PAPPA2: variants seen among roughly 807,000 people sequenced by gnomAD.
PAPPA2 encodes pappalysin-2.
Under a neutral mutation model 176.4 loss-of-function variants are expected in PAPPA2, and 86 were observed. The ratio of observed to expected loss-of-function variants is 0.49; its 90% CI spans 0.41 to 0.58. PAPPA2 has a LOEUF of 0.58. PAPPA2 is among the 20% of genes least tolerant of loss of function. PAPPA2 has a pLI of 0.00. For synonymous variants in PAPPA2, 809 were observed against 852.2 expected (o/e 0.95, Z 0.88); for missense variants, 2,073 against 2,256.9 (o/e 0.92, Z 1.65).
At chr1:176,492,483 A>G (rs1647346431) in intron 1 of PAPPA2, among the ~76,000 whole-genome samples, 1 of 152,210 alleles carries the variant, frequency 6.6e-6, no homozygotes, top group Non-Finnish European at 1.5e-5. Context: ...TGTAACATCA[A>G]GGTTTGTCAA....
chr1:176,802,030 G>C (rs1416822044), intron 21 of PAPPA2, among the ~76,000 whole-genome samples: 2 of 152,118 alleles, frequency 1.3e-5, no homozygotes, highest in South Asian at 2.1e-4. Flanking sequence ...CCCTGCTCCA[G>C]TGGTTCTCAG....
Position 176,710,052 on chromosome 1 carries a change from T to G in PAPPA2, c.3527T>G (p.Ile1176Ser). The G allele has an allele frequency of 6.2e-7, 1 of 1,613,508 alleles. No individual in the cohort carries two copies. Among genetic ancestry groups the G allele is most frequent in the Non-Finnish European group, 8.5e-7 (1 of 1,179,650 alleles). Residue 1176 changes from isoleucine to serine, a missense_variant, in exon 11 of 23, where the codon ATT (isoleucine) becomes AGT (serine). By Grantham distance (142) the Ile-to-Ser change is moderately radical. Around this residue, in one of 4 missense-constraint regions of PAPPA2, gnomAD observed 846 missense variants for 857.9 expected, o/e 0.99. Coordinates refer to ENST00000367662, the MANE Select transcript of PAPPA2 (RefSeq NM_020318.3). ...ICEPFERKTSIVDCGIYTPKG... is the reference protein window; with the variant it reads ...ICEPFERKTSSVDCGIYTPKG... ...GAACCTTTTGAGAGAAAAACCAGCA[T>G]TGTAGACTGTGGCATCTACACTCCC...
At chr1:176,605,009 A>C (rs1193556479) in intron 3 of PAPPA2, among the ~76,000 whole-genome samples, 2 of 152,156 alleles carry the variant, frequency 1.3e-5, no homozygotes, top group Non-Finnish European at 2.9e-5. Flanking sequence ...AATAACTGAC[A>C]ATACTCATGG....
chr1:176,620,925 CTA>C (rs778111313), intron 3 of PAPPA2, among the ~76,000 whole-genome samples: 47 of 152,226 alleles, frequency 3.1e-4, no homozygotes, highest in Non-Finnish European at 5.0e-4. Context: ...TTTATGGACT[CTA>C]TACTAAAGGT....
chr1:176,780,579 C>T (rs887356819), intron 17 of PAPPA2, among the ~76,000 whole-genome samples: 6 of 152,204 alleles, frequency 3.9e-5, no homozygotes, highest in Admixed American at 3.3e-4. Context: ...CTCCTCTGCT[C>T]CTCTACCTGG....
chr1:176,495,111 A>G (rs887666728), intron 1 of PAPPA2, among the ~76,000 whole-genome samples: 8 of 152,298 alleles, frequency 5.3e-5, no homozygotes, highest in African/African-American at 1.9e-4. Context: ...GGATGAATGG[A>G]TTTTTGTAAG....
chr1:176,816,515 C>T (rs1406221247), intron 21 of PAPPA2, among the ~76,000 whole-genome samples: 1 of 151,074 alleles, frequency 6.6e-6, no homozygotes, highest in African/African-American at 2.4e-5. Flanking sequence ...CCTGCATCTG[C>T]TGTGTCAGCT....
At chr1:176,606,806 T>G (rs1222395682) in intron 3 of PAPPA2, among the ~76,000 whole-genome samples, 1 of 151,790 alleles carries the variant, frequency 6.6e-6, no homozygotes. Context: ...GAAAGAAGAG[T>G]TTGTTAGGAA....
rs764752666 is a variant in PAPPA2, at chr1:176,595,088, A to G, written c.1484A>G (p.Gln495Arg). 3 of 1,614,120 alleles carry G rather than the reference A, an allele frequency of 1.9e-6. No homozygotes were observed. The South Asian group carries it at 3.3e-5, about 18-fold the overall frequency. Residue 495 changes from glutamine to arginine, a missense_variant, in exon 3 of 23, where the codon CAG becomes CGG. Physicochemically the swap from Gln to Arg is conservative, Grantham distance 43. Around this residue, in one of 4 missense-constraint regions of PAPPA2, gnomAD observed 1,196 missense variants for 1,330.4 expected, o/e 0.90. Transcript: ENST00000367662. ...EPEPEILSPL[Q>R]PPLCGQTVCD... is the part of the protein sequence containing the mutation. ...GAGCCTGAGATTCTGTCGCCTTTGCAGCCCCCACTCTGTGGGCAAACAGTC... is the reference window on the plus strand; with the variant it reads ...GAGCCTGAGATTCTGTCGCCTTTGCGGCCCCCACTCTGTGGGCAAACAGTC...
Position 176,558,552 on chromosome 1 carries a change from G to A in PAPPA2, c.919+1311G>A, listed in dbSNP as rs79564914. 1.8e-3 allele frequency among the ~76,000 whole-genome samples: 279 copies of A among 152,198 alleles called. 7 individuals are homozygous for A. In the East Asian group the frequency reaches 0.049, roughly 27 times the overall value. ...CATTCTCAAGTCTTGTGGTTTTGCT[G>A]TATTTTATTTTTGGGTGGGAGAGGG... On this transcript the variant is annotated intron_variant, in intron 2 of 22. Coordinates refer to ENST00000367662, the MANE Select transcript of PAPPA2 (RefSeq NM_020318.3).
intron 1 of PAPPA2, among the ~76,000 whole-genome samples, chr1:176,554,185 A>T (rs1333054825): frequency 1.3e-5 from 2 of 152,180 alleles, no homozygotes; most frequent in African/African-American, 4.8e-5. Context: ...CAAACAAGTC[A>T]GTTCTTAGCT....
At chr1:176,820,164 C>T (rs975921894) in intron 21 of PAPPA2, among the ~76,000 whole-genome samples, 4 of 152,070 alleles carry the variant, frequency 2.6e-5, no homozygotes, top group Admixed American at 2.6e-4. Flanking sequence ...ACAACACGCA[C>T]CTATTTTGAA....
At chr1:176,568,944 G>T (rs1558442995) in intron 2 of PAPPA2, among the ~76,000 whole-genome samples, 1 of 152,170 alleles carries the variant, frequency 6.6e-6, no homozygotes, top group Non-Finnish European at 1.5e-5. Context: ...AGACTCTGCT[G>T]CACCCTCAGG....
At chr1:176,702,784 A>G in intron 9 of PAPPA2, 49 bp downstream of exon 9, 3 of 1,239,144 alleles carry the variant, frequency 2.4e-6, no homozygotes, top group Non-Finnish European at 3.2e-6. Context: ...TGTGAGAGAG[A>G]GAGAGAGAGA....
intron 20 of PAPPA2, among the ~76,000 whole-genome samples, chr1:176,798,560 T>A (rs1476066484): frequency 6.6e-6 from 1 of 152,232 alleles, no homozygotes; most frequent in Non-Finnish European, 1.5e-5. Flanking sequence ...AAACCATTGA[T>A]ATTTTAAATA....
chr1:176,512,114 T>G (rs147470047), intron 1 of PAPPA2, among the ~76,000 whole-genome samples: 96 of 148,308 alleles, frequency 6.5e-4, no homozygotes, highest in African/African-American at 2.2e-3. Flanking sequence ...TCAGAAGACA[T>G]AAGTGGCCAA....
chr1:176,668,108 T>A (rs1218311918), intron 3 of PAPPA2, among the ~76,000 whole-genome samples: 1 of 152,126 alleles, frequency 6.6e-6, no homozygotes. Context: ...ATGTGTACTC[T>A]CCACGGGGCA....
At chr1:176,655,640 A>C (rs893235738) in intron 3 of PAPPA2, among the ~76,000 whole-genome samples, 3 of 151,886 alleles carry the variant, frequency 2.0e-5, no homozygotes, top group African/African-American at 7.2e-5. Context: ...ATGTGTACAC[A>C]TGGACACAGA....
intron 3 of PAPPA2, among the ~76,000 whole-genome samples, chr1:176,626,887 T>TC (rs1656054554): frequency 6.7e-6 from 1 of 148,234 alleles, no homozygotes; most frequent in Admixed American, 6.8e-5. Flanking sequence ...TACCTGTTTT[T>TC]CCTTTTTTTT....
Sources: gnomAD v4.1 joint callset for allele counts (sites outside exome capture counted in the v4.1 genomes callset) on GRCh38, gnomAD v4.1.1 for gene constraint, gnomAD v4.1.1 regional missense constraint, MANE v1.5 for transcripts, NCBI Gene and HGNC (gene_info 2026-07-23, HGNC 2026-07-21) for gene names.